The following PLCE1 variants were observed in gnomAD, a reference collection of about 807,000 sequenced individuals.
PLCE1 encodes the protein phospholipase C epsilon 1.
A neutral mutation model predicts 242.8 loss-of-function variants in PLCE1; 119 were observed. The ratio of observed to expected loss-of-function variants is 0.49; its 90% CI spans 0.42 to 0.57. The LOEUF (loss-of-function observed/expected upper bound fraction) is 0.57, where lower values mean the gene tolerates loss of function less well. Ranked by LOEUF, PLCE1 falls within the 20% of genes least tolerant of loss-of-function variation. The pLI, the probability that PLCE1 is intolerant of heterozygous loss-of-function variation, is 0.00. For missense variants in PLCE1, 2,441 were observed against 2,788.8 expected (o/e 0.88, Z 2.81); for synonymous variants, 945 against 1,017.4 (o/e 0.93, Z 1.35).
At chr10:94,181,633 G>A (rs888234762) in intron 4 of PLCE1, among the ~76,000 whole-genome samples, 1 of 151,948 alleles carries the variant, frequency 6.6e-6, no homozygotes, top group Non-Finnish European at 1.5e-5. Flanking sequence ...TGAAGGCCAG[G>A]CATAGTGGCT....
intron 11 of PLCE1, among the ~76,000 whole-genome samples, chr10:94,256,698 G>A (rs542759026): frequency 1.1e-4 from 17 of 152,286 alleles, no homozygotes; most frequent in East Asian, 5.8e-4. Context: ...AAGAAAGGAC[G>A]AAGTAAGGGA....
rs78828338 is a variant in PLCE1, at chr10:94,306,582, C to T, written c.5778C>T (p.Phe1926=). ...LNPMWNEQFL[F]HVHFEDLVFL... The stretch of plus-strand genomic sequence containing the variant: ...CCATGTGGAACGAGCAGTTTCTGTT[C>T]CACGTTCACTTCGAAGATCTTGTAT... The change falls in exon 26 of 33, where the codon TTC becomes TTT. Residue 1926 remains phenylalanine, a synonymous_variant. Coordinates refer to ENST00000371380, the MANE Select transcript of PLCE1 (RefSeq NM_016341.4). This position sits in a 1 kb window ranked among gnomAD's most constrained non-coding sequence, Gnocchi z 5.7. 796 of 1,614,082 alleles carry T rather than the reference C, an allele frequency of 4.9e-4. 15 individuals carry two copies. In the East Asian group the frequency reaches 0.016, roughly 33 times the overall value.
chr10:94,282,455 A>C (rs1250910061), intron 20 of PLCE1, among the ~76,000 whole-genome samples: 1 of 152,190 alleles, frequency 6.6e-6, no homozygotes, highest in African/African-American at 2.4e-5. Flanking sequence ...ATATTCTATG[A>C]CAATGACAGC....
In PLCE1 at chr10:94,171,385, T is replaced by A. The variant is rs377307234; in HGVS notation, c.1698T>A (p.Pro566=). 2.2e-5 allele frequency: 35 copies of A among 1,614,014 alleles called. No individual in the cohort carries two copies. The African/African-American group carries it at 4.5e-4, about 21-fold the overall frequency. The change falls in exon 4 of 33, where the codon CCT becomes CCA. Residue 566 remains proline (P), a synonymous_variant. Transcript: ENST00000371380. ...TCTTAACACGGGACTTGGGCACTCC[T>A]GAATGCCAGAGCTCCTTGCCCTGCC... ...LCFLTRDLGT[P]ECQSSLPCLK... is the part of the protein sequence containing the mutation.
intron 2 of PLCE1, among the ~76,000 whole-genome samples, chr10:94,077,849 G>T (rs1402860393): frequency 6.6e-6 from 1 of 152,146 alleles, no homozygotes; most frequent in Non-Finnish European, 1.5e-5. Context: ...GTTTCTGCGA[G>T]ATAAAGATAC....
At chr10:94,165,358 G>A (rs138760219) in intron 3 of PLCE1, among the ~76,000 whole-genome samples, 12 of 152,144 alleles carry the variant, frequency 7.9e-5, no homozygotes, top group Non-Finnish European at 1.2e-4. Context: ...CCTCGCTGCC[G>A]CCTTGCAGTT....
chr10:94,256,052 C>G (rs1355834038), intron 11 of PLCE1, among the ~76,000 whole-genome samples: 1 of 150,954 alleles, frequency 6.6e-6, no homozygotes, highest in East Asian at 1.9e-4. Context: ...TGGCTGGGCA[C>G]GGTGGCTCTC....
At chr10:94,023,843 G>C (rs959804407) in intron 1 of PLCE1, among the ~76,000 whole-genome samples, 1 of 152,040 alleles carries the variant, frequency 6.6e-6, no homozygotes, top group African/African-American at 2.4e-5. Context: ...TTGCATTCCA[G>C]ACTCAGAAAC....
intron 4 of PLCE1, among the ~76,000 whole-genome samples, chr10:94,179,512 G>GTTTTTTTTTCTTTTTTTTTT (rs750384818): frequency 5.2e-5 from 1 of 19,398 alleles, no homozygotes; most frequent in Non-Finnish European, 1.0e-4. Flanking sequence ...TTTTAGTTTA[G>GTTTTTTTTTCTTTTTTTTTT]TTTTTTTTTT....
intron 13 of PLCE1, 81 bp downstream of exon 13, chr10:94,259,231 G>T: frequency 7.2e-7 from 1 of 1,390,884 alleles, no homozygotes. Context: ...CACAAACTCT[G>T]AGCCTGTCCC....
intron 4 of PLCE1, among the ~76,000 whole-genome samples, chr10:94,180,087 A>T (rs1263639905): frequency 7.1e-6 from 1 of 139,938 alleles, no homozygotes; most frequent in African/African-American, 2.5e-5. Flanking sequence ...TTCAGAGGTG[A>T]CAGTTGAACC....
intron 1 of PLCE1, among the ~76,000 whole-genome samples, chr10:94,000,803 C>T (rs369938532): frequency 1.1e-3 from 169 of 152,282 alleles, no homozygotes; most frequent in South Asian, 2.5e-3. Flanking sequence ...GTGCAGCAGC[C>T]GCAGCGCCCT....
chr10:94,103,794 A>C (rs1694436997), intron 2 of PLCE1, among the ~76,000 whole-genome samples: 1 of 152,110 alleles, frequency 6.6e-6, no homozygotes, highest in African/African-American at 2.4e-5. Flanking sequence ...TCACACACCA[A>C]AACAGCTAAG....
At chr10:94,278,821 G>A (rs2052068635) in intron 19 of PLCE1, among the ~76,000 whole-genome samples, 1 of 151,680 alleles carries the variant, frequency 6.6e-6, no homozygotes, top group Non-Finnish European at 1.5e-5. Flanking sequence ...TACATGTATA[G>A]CTATTATCTG....
At chr10:94,191,146 A>ATTG (rs2048651988) in intron 4 of PLCE1, among the ~76,000 whole-genome samples, 1 of 152,204 alleles carries the variant, frequency 6.6e-6, no homozygotes, top group African/African-American at 2.4e-5. Context: ...TTATCATATT[A>ATTG]CCCTGAGCCA....
At chr10:94,102,476 C>A (rs529695868) in intron 2 of PLCE1, among the ~76,000 whole-genome samples, 2 of 152,286 alleles carry the variant, frequency 1.3e-5, no homozygotes, top group South Asian at 2.1e-4. Context: ...ACCTTTGTCC[C>A]CTTTTGCATT....
chr10:94,164,739 G>T (rs1435281135), intron 3 of PLCE1, among the ~76,000 whole-genome samples: 2 of 152,148 alleles, frequency 1.3e-5, no homozygotes, highest in African/African-American at 2.4e-5. Context: ...CAGTTTTGTT[G>T]TTCTGTTTTT....
chr10:94,052,425 G>A (rs1349839456), intron 2 of PLCE1, among the ~76,000 whole-genome samples: 2 of 152,142 alleles, frequency 1.3e-5, no homozygotes, highest in African/African-American at 2.4e-5. Flanking sequence ...AGGTGTCCTC[G>A]CAGTAGATAA....
chr10:94,307,851 G>A (rs977021644), intron 26 of PLCE1, among the ~76,000 whole-genome samples: 4 of 152,132 alleles, frequency 2.6e-5, no homozygotes, highest in Non-Finnish European at 4.4e-5. Context: ...GTATAGGGTC[G>A]GGGGAGACCC....
Sources: allele counts gnomAD v4.1 joint callset (sites outside exome capture counted in the v4.1 genomes callset), GRCh38; gene constraint gnomAD v4.1.1; non-coding constraint Gnocchi (gnomAD v3.1); transcripts MANE v1.5; gene names NCBI Gene and HGNC (gene_info 2026-07-23, HGNC 2026-07-21).